The following FLRT2 variants were observed in gnomAD, a reference collection of about 807,000 sequenced individuals.
The protein encoded by FLRT2 is fibronectin leucine rich transmembrane protein 2.
In FLRT2, 15 loss-of-function variants were observed where a neutral mutation model predicts 40.0. The observed-to-expected ratio is 0.38, with a 90% CI of 0.25 to 0.58. The LOEUF (loss-of-function observed/expected upper bound fraction) is 0.58, where lower values mean the gene tolerates loss of function less well. FLRT2 is among the 20% of genes least tolerant of loss of function. The probability of loss-of-function intolerance (pLI) is 0.71; values close to 1 mark genes in which losing one functional copy is unlikely to be tolerated. For synonymous variants in FLRT2, 380 were observed against 336.8 expected (o/e 1.13, Z -1.41); for missense variants, 726 against 840.0 (o/e 0.86, Z 1.68).
chr14:85,540,689 A>G (rs1027777284), intron 1 of FLRT2, among the ~76,000 whole-genome samples: 2 of 150,240 alleles, frequency 1.3e-5, no homozygotes, highest in East Asian at 2.0e-4. Flanking sequence ...ATGATTTGCT[A>G]TTGTCGGAGT....
At position 85,648,204 on chromosome 14, in the gene FLRT2, C is replaced by T. The variant is rs551354741; in HGVS notation, c.*24707C>T. ...ATAGTTACTGTATGTTAGGCAGGTGCATGTTGTTATTGCTACTTTTTTCAA... is the reference window on the plus strand; with the variant it reads ...ATAGTTACTGTATGTTAGGCAGGTGTATGTTGTTATTGCTACTTTTTTCAA... On this transcript the variant is annotated 3_prime_UTR_variant, in exon 2 of 2. Transcript: ENST00000330753. The T allele has an allele frequency of 1.3e-5, 2 of 152,162 alleles. No homozygotes were observed. The highest frequency in any genetic ancestry group is 6.6e-5 in the Admixed American group (1 of 15,262). 9.4% of individuals were successfully genotyped at this position (152,162 alleles called of 1,614,324 possible).
chr14:85,535,892 GTTTTTTTTTTTTTTT>G (rs71454768), intron 1 of FLRT2, among the ~76,000 whole-genome samples: 7 of 57,898 alleles, frequency 1.2e-4, no homozygotes, highest in African/African-American at 4.0e-4. Context: ...AAGGAATGCT[GTTTTTTTTTTTTTTT>G]TTTTTTTTTT....
chr14:85,570,118 G>C (rs992827672), intron 1 of FLRT2, among the ~76,000 whole-genome samples: 3 of 152,202 alleles, frequency 2.0e-5, no homozygotes, highest in African/African-American at 7.2e-5. Context: ...TCACCCAAGA[G>C]GGTAGAGCTG....
intron 1 of FLRT2, among the ~76,000 whole-genome samples, chr14:85,576,702 C>A (rs1392227184): frequency 1.3e-5 from 2 of 152,190 alleles, no homozygotes; most frequent in Non-Finnish European, 2.9e-5. Context: ...TGTTTTCAAA[C>A]CCATTTCAGA....
At chr14:85,534,732 G>A (rs1888538830) in intron 1 of FLRT2, among the ~76,000 whole-genome samples, 1 of 152,000 alleles carries the variant, frequency 6.6e-6, no homozygotes, top group African/African-American at 2.4e-5. Context: ...CATTGAGGCG[G>A]CGGCAGCGGA....
chr14:85,533,723 G>A (rs1438384397), intron 1 of FLRT2, among the ~76,000 whole-genome samples: 2 of 151,964 alleles, frequency 1.3e-5, no homozygotes, highest in Admixed American at 1.3e-4. Flanking sequence ...AGACGATGCC[G>A]CAGCTCCGTA....
intron 1 of FLRT2, among the ~76,000 whole-genome samples, chr14:85,536,450 A>G (rs1888663837): frequency 6.6e-6 from 1 of 152,184 alleles, no homozygotes; most frequent in Non-Finnish European, 1.5e-5. Flanking sequence ...AGAAGATTCA[A>G]AAAAGGTCAA....
rs1893906399 is a variant in FLRT2 at position 85,632,583 on chromosome 14, T to C, written c.*9086T>C. The C allele has an allele frequency of 1.4e-5, 2 of 142,540 alleles. No individual in the cohort carries two copies. Among genetic ancestry groups the C allele is most frequent in the African/African-American group, 2.6e-5 (1 of 37,880 alleles). 8.8% of individuals were successfully genotyped at this position (142,540 alleles called of 1,614,324 possible). On this transcript the variant is annotated 3_prime_UTR_variant, in exon 2 of 2. Coordinates refer to ENST00000330753, the MANE Select transcript of FLRT2 (RefSeq NM_013231.6). ...AGTCGGCTAGTCAAAATGAATTCTTTGCATGTGAAAAGCAGAGATTTTTTT... is the reference window on the plus strand; with the variant it reads ...AGTCGGCTAGTCAAAATGAATTCTTCGCATGTGAAAAGCAGAGATTTTTTT...
In FLRT2 at chr14:85,566,888, G is replaced by GT. The variant is rs563716948; in HGVS notation, c.-377+36357dup. ...ATTAGTCATGATGAAAAAGCCTTCC[G>GT]TTTCTGCCAGATGAAGAGTAATACA... On this transcript the variant is annotated intron_variant, in intron 1 of 1. Transcript: ENST00000330753. 2.4e-3 allele frequency among the ~76,000 whole-genome samples: 371 copies of GT among 152,032 alleles called. 7 individuals are homozygous for GT. The highest frequency in any genetic ancestry group is 3.1e-3 in the East Asian group (16 of 5,156).
chr14:85,627,000 C>T lies in FLRT2; in HGVS notation c.*3503C>T, dbSNP rs2239576. 137,454 of 167,030 alleles carry T rather than the reference C, an allele frequency of 0.82. 57,024 individuals are homozygous for T. The highest frequency in any genetic ancestry group is 0.86 in the African/African-American group (35,672 of 41,544). The allele number at this position is 167,030 out of a possible 1,614,324, so 10.3% of individuals were successfully genotyped here. ...CCATTCAGAACACGAGGCAATATTG[C>T]AGTCCACAGGGAATGGATGCTTCAC... On this transcript the variant is annotated 3_prime_UTR_variant, in exon 2 of 2. Transcript: ENST00000330753.
intron 1 of FLRT2, among the ~76,000 whole-genome samples, chr14:85,614,805 A>C (rs1893053265): frequency 6.6e-6 from 1 of 152,110 alleles, no homozygotes; most frequent in African/African-American, 2.4e-5. Context: ...CTGTCTAAAA[A>C]ATCAGTTATT....
At chr14:85,530,880 C>T (rs1008682056) in intron 1 of FLRT2, among the ~76,000 whole-genome samples, 1 of 152,134 alleles carries the variant, frequency 6.6e-6, no homozygotes, top group Non-Finnish European at 1.5e-5. Flanking sequence ...CTCCTACTTC[C>T]CTAGATTGAA....
Position 85,630,566 on chromosome 14 carries a change from T to G in FLRT2, c.*7069T>G, listed in dbSNP as rs890067754. 2 of 152,088 alleles carry G rather than the reference T, an allele frequency of 1.3e-5. No homozygotes were observed. The highest frequency in any genetic ancestry group is 4.8e-5 in the African/African-American group (2 of 41,418). 9.4% of individuals were successfully genotyped at this position (152,088 alleles called of 1,614,324 possible). A position where few individuals can be genotyped will look rare whatever the true frequency, so the allele number is the denominator to read the frequency against. On this transcript the variant is annotated 3_prime_UTR_variant, in exon 2 of 2. Coordinates refer to ENST00000330753, the MANE Select transcript of FLRT2 (RefSeq NM_013231.6). ...AGAATGTTTTCCAGGAGAGTTAAATTTTGCTCATCAAAAATCTTTCTTGGA... is the reference window on the plus strand; with the variant it reads ...AGAATGTTTTCCAGGAGAGTTAAATGTTGCTCATCAAAAATCTTTCTTGGA...
At chr14:85,559,084 C>T (rs2273151) in intron 1 of FLRT2, among the ~76,000 whole-genome samples, 33,220 of 152,122 alleles carry the variant, frequency 0.22, 4,040 homozygotes, top group East Asian at 0.3. Flanking sequence ...ACACATACAT[C>T]ACTGTCATAG....
rs1358496335 is a variant in FLRT2, at chr14:85,650,934, A to G, written c.*27437A>G. On this transcript the variant is annotated 3_prime_UTR_variant, in exon 2 of 2. Transcript: ENST00000330753. The stretch of plus-strand genomic sequence containing the variant: ...CGATCTTAGCTTACTGTAGACTCCA[A>G]CTCCTGGGCTCAAGAGATACTCTCC... 2.0e-5 allele frequency: 3 copies of G among 151,830 alleles called. No homozygotes were observed. Among genetic ancestry groups the G allele is most frequent in the Non-Finnish European group, 2.9e-5 (2 of 67,936 alleles). 9.4% of individuals were successfully genotyped at this position (151,830 alleles called of 1,614,324 possible).
intron 1 of FLRT2, among the ~76,000 whole-genome samples, chr14:85,588,300 T>C (rs10145750): frequency 0.33 from 50,837 of 151,916 alleles, 9,803 homozygotes; most frequent in African/African-American, 0.54. Flanking sequence ...TCAATAAACA[T>C]TTCAGTAACT....
chr14:85,565,182 C>A (rs978711219), intron 1 of FLRT2, among the ~76,000 whole-genome samples: 5 of 152,108 alleles, frequency 3.3e-5, no homozygotes, highest in African/African-American at 1.2e-4. Flanking sequence ...GTTTTATTTT[C>A]TGAACGAAGA....
intron 1 of FLRT2, among the ~76,000 whole-genome samples, chr14:85,620,443 T>G (rs1252003489): frequency 1.3e-5 from 2 of 152,304 alleles, no homozygotes; most frequent in East Asian, 3.9e-4. Context: ...TACTGTGTTC[T>G]TTATATTTTA....
At chr14:85,536,637 G>GT (rs11311753) in intron 1 of FLRT2, among the ~76,000 whole-genome samples, 134 of 145,714 alleles carry the variant, frequency 9.2e-4, no homozygotes, top group East Asian at 1.0e-3. Context: ...AATACTCATG[G>GT]TTTTTTTTTT....
Sources: allele counts gnomAD v4.1 joint callset (sites outside exome capture counted in the v4.1 genomes callset), GRCh38; gene constraint gnomAD v4.1.1; transcripts MANE v1.5; gene names NCBI Gene and HGNC (gene_info 2026-07-23, HGNC 2026-07-21).